The following TBC1D5 variants were observed in gnomAD, a reference collection of about 807,000 sequenced individuals.
TBC1D5 encodes the protein TBC1 domain family member 5.
TBC1D5 carries 75 observed loss-of-function variants against 100.3 expected under a neutral mutation model. The observed-to-expected ratio is 0.75, with a 90% CI of 0.62 to 0.91. The LOEUF (loss-of-function observed/expected upper bound fraction) is 0.91, where lower values mean the gene tolerates loss of function less well. Ranked by LOEUF, TBC1D5 falls within the 40% of genes least tolerant of loss-of-function variation. The pLI, the probability that TBC1D5 is intolerant of heterozygous loss-of-function variation, is 0.00. For missense variants in TBC1D5, 910 were observed against 942.4 expected, an observed-to-expected ratio of 0.97 and a Z score of 0.45; for synonymous variants, 323 against 325.6, an observed-to-expected ratio of 0.99 and a Z score of 0.09.
Position 17,428,523 on chromosome 3 carries a change from G to C in TBC1D5, c.98-4C>G, listed in dbSNP as rs1320517071. ...CTTCCATTTTTATTTGAATCTCCTG[G>C]AGAAAAAAATTACGACACTGAAATA... On this transcript the variant is annotated splice_polypyrimidine_tract_variant and splice_region_variant and intron_variant, in intron 3 of 21. Transcript: ENST00000253692. 1 of 1,477,032 alleles carries C rather than the reference G, an allele frequency of 6.8e-7. No homozygotes were observed. The highest frequency in any genetic ancestry group is 9.0e-7 in the Non-Finnish European group (1 of 1,109,794). 91.5% of individuals were successfully genotyped at this position (1,477,032 alleles called of 1,614,324 possible). A position where few individuals can be genotyped will look rare whatever the true frequency, so the allele number is the denominator to read the frequency against.
Position 17,414,012 on chromosome 3 carries a change from A to G in TBC1D5, c.168-7486T>C, listed in dbSNP as rs549265801. ...AGCCAAAAGTCACAGACAGTGGAAG[A>G]AAAAAGAGATAAGGTAGAAAGTTGC... On this transcript the variant is annotated intron_variant, in intron 4 of 21. Coordinates refer to ENST00000253692, the Ensembl canonical transcript of TBC1D5. Among the ~76,000 whole-genome samples, 78 of 152,334 alleles carry G rather than the reference A, an allele frequency of 5.1e-4. 1 individual carries two copies. Among genetic ancestry groups the G allele is most frequent in the Middle Eastern group, 3.4e-3 (1 of 294 alleles).
At chr3:17,706,813 T>C (rs1292810457) in intron 1 of TBC1D5, among the ~76,000 whole-genome samples, 1 of 151,814 alleles carries the variant, frequency 6.6e-6, no homozygotes, top group Non-Finnish European at 1.5e-5. Context: ...TGTATAAAAA[T>C]CCTTTAACAA....
chr3:17,371,622 G>A lies in TBC1D5; in HGVS notation c.995+453C>T, dbSNP rs115273735. 5.1e-3 allele frequency among the ~76,000 whole-genome samples: 773 copies of A among 152,292 alleles called. 4 individuals carry two copies. The highest frequency in any genetic ancestry group is 0.017 in the African/African-American group (727 of 41,564). On this transcript the variant is annotated intron_variant, in intron 13 of 21. Coordinates refer to ENST00000253692, the Ensembl canonical transcript of TBC1D5. ...TACCATACACAGGTGAAAGTGATAAGCACTGAGCATGCACATAGACACACA... is the reference window on the plus strand; with the variant it reads ...TACCATACACAGGTGAAAGTGATAAACACTGAGCATGCACATAGACACACA...
intron 3 of TBC1D5, among the ~76,000 whole-genome samples, chr3:17,456,069 T>C (rs1421046892): frequency 6.6e-6 from 1 of 152,112 alleles, no homozygotes; most frequent in South Asian, 2.1e-4. Context: ...CTTCAATAAA[T>C]GGTAGTGTGA....
chr3:17,360,500 G>T (rs2091604488), intron 13 of TBC1D5, among the ~76,000 whole-genome samples: 1 of 151,912 alleles, frequency 6.6e-6, no homozygotes, highest in East Asian at 1.9e-4. Flanking sequence ...TATAGCTGAG[G>T]TGAAGGTATG....
intron 13 of TBC1D5, among the ~76,000 whole-genome samples, chr3:17,326,200 C>G (rs2086113932): frequency 6.6e-6 from 1 of 152,076 alleles, no homozygotes; most frequent in Non-Finnish European, 1.5e-5. Flanking sequence ...AAGAGAGAAC[C>G]TGAAATAACT....
intron 2 of TBC1D5, among the ~76,000 whole-genome samples, chr3:17,588,371 T>C (rs2096745942): frequency 1.3e-5 from 2 of 152,016 alleles, no homozygotes; most frequent in Admixed American, 6.6e-5. Context: ...AGAAGGAATG[T>C]TTACCATAGT....
At chr3:17,169,304 T>C (rs764900633) in intron 19 of TBC1D5, among the ~76,000 whole-genome samples, 9 of 152,348 alleles carry the variant, frequency 5.9e-5, no homozygotes, top group Middle Eastern at 3.4e-3. Flanking sequence ...TACTGACTGA[T>C]GGAATGAATT....
At chr3:17,352,529 T>G (rs2151705561) in intron 13 of TBC1D5, among the ~76,000 whole-genome samples, 1 of 151,928 alleles carries the variant, frequency 6.6e-6, no homozygotes, top group East Asian at 1.9e-4. Context: ...CTGTAGAGAC[T>G]GGTGAAATTT....
intron 2 of TBC1D5, among the ~76,000 whole-genome samples, chr3:17,607,251 T>C (rs746931848): frequency 2.1e-5 from 3 of 145,858 alleles, no homozygotes; most frequent in Non-Finnish European, 4.5e-5. Context: ...ATTTTCTCAA[T>C]AATATCTAAT....
rs1269040680 is a variant in TBC1D5 at position 17,573,334 on chromosome 3, G to A, written c.-36+50515C>T. ...GTGTGAAGTCTCCTTGTAAGTATCT[G>A]GGCTCTTGAATTTTGCCTCTCATCT... On this transcript the variant is annotated intron_variant, in intron 2 of 21. Transcript: ENST00000253692. 2.6e-5 allele frequency among the ~76,000 whole-genome samples: 4 copies of A among 151,942 alleles called. No homozygotes were observed. The East Asian group carries it at 5.8e-4, about 22-fold the overall frequency.
At chr3:17,734,156 GA>G (rs1235618804) in intron 1 of TBC1D5, among the ~76,000 whole-genome samples, 3 of 152,182 alleles carry the variant, frequency 2.0e-5, no homozygotes, top group Non-Finnish European at 4.4e-5. Flanking sequence ...AAGATTGAAA[GA>G]AATCTAAGTA....
chr3:17,214,016 A>G (rs1015161021), intron 18 of TBC1D5, among the ~76,000 whole-genome samples, 191 bp downstream of exon 19: 1 of 146,144 alleles, frequency 6.8e-6, no homozygotes, highest in African/African-American at 2.5e-5. Flanking sequence ...TTTTTTTTCC[A>G]GTGTAATATA....
chr3:17,330,852 G>T (rs1007380168), intron 13 of TBC1D5, among the ~76,000 whole-genome samples: 15 of 152,124 alleles, frequency 9.9e-5, no homozygotes, highest in African/African-American at 3.6e-4. Flanking sequence ...TGTACTTACA[G>T]CTGACAAAGC....
At chr3:17,229,129 C>T (rs773502559) in intron 17 of TBC1D5, among the ~76,000 whole-genome samples, 1 of 151,894 alleles carries the variant, frequency 6.6e-6, no homozygotes, top group Non-Finnish European at 1.5e-5. Context: ...AGGAGGTCTA[C>T]GGGGGGACTT....
chr3:17,443,900 G>T (rs2149584273), intron 3 of TBC1D5, among the ~76,000 whole-genome samples: 1 of 152,264 alleles, frequency 6.6e-6, no homozygotes, highest in East Asian at 1.9e-4. Flanking sequence ...AAAATGAAAT[G>T]AACGGAGTGT....
At chr3:17,443,332 A>G (rs951615095) in intron 3 of TBC1D5, among the ~76,000 whole-genome samples, 1 of 152,210 alleles carries the variant, frequency 6.6e-6, no homozygotes, top group African/African-American at 2.4e-5. Flanking sequence ...TGGGCTCTAG[A>G]TTGACACCAA....
At chr3:17,559,880 C>A (rs528903327) in intron 2 of TBC1D5, among the ~76,000 whole-genome samples, 1 of 151,702 alleles carries the variant, frequency 6.6e-6, no homozygotes, top group Non-Finnish European at 1.5e-5. Flanking sequence ...TGAGCCACCG[C>A]GCCCGGCCAA....
chr3:17,443,059 CTT>C (rs906718098), intron 3 of TBC1D5, among the ~76,000 whole-genome samples: 14 of 152,164 alleles, frequency 9.2e-5, no homozygotes, highest in African/African-American at 3.4e-4. Context: ...TCTAAAATTA[CTT>C]GCTATATCAA....
Sources: gnomAD v4.1 joint callset for allele counts (sites outside exome capture counted in the v4.1 genomes callset) on GRCh38, gnomAD v4.1.1 for gene constraint, MANE v1.5 for transcripts, NCBI Gene and HGNC (gene_info 2026-07-23, HGNC 2026-07-21) for gene names.